The following KIAA1217 variants were observed in gnomAD, a reference collection of about 807,000 sequenced individuals.
KIAA1217 encodes the protein KIAA1217.
Under a neutral mutation model 163.9 loss-of-function variants are expected in KIAA1217, and 88 were observed. The observed-to-expected ratio is 0.54, with a 90% CI of 0.45 to 0.64. KIAA1217 has a LOEUF of 0.64. Ranked by LOEUF, KIAA1217 falls within the 30% of genes least tolerant of loss-of-function variation. KIAA1217 has a pLI of 0.00. For synonymous variants in KIAA1217, 903 were observed against 923.1 expected (o/e 0.98, Z 0.39); for missense variants, 2,372 against 2,475.0 (o/e 0.96, Z 0.88).
chr10:23,971,469 G>A (rs1845315419), intron 1 of KIAA1217, among the ~76,000 whole-genome samples: 1 of 152,116 alleles, frequency 6.6e-6, no homozygotes, highest in Non-Finnish European at 1.5e-5. Context: ...GGTTGGGGGG[G>A]AACCTCCTCT....
In KIAA1217 at chr10:23,789,941, A is replaced by ATG. The variant is rs1564420929; in HGVS notation, c.-321+94707_-321+94708insTG. Among the ~76,000 whole-genome samples the ATG allele has an allele frequency of 8.5e-5, 11 of 130,104 alleles. 1 individual carries two copies. Among genetic ancestry groups the ATG allele is most frequent in the Admixed American group, 6.8e-4 (9 of 13,168 alleles). 85.4% of individuals were successfully genotyped at this position (130,104 alleles called of 152,430 possible). ...CATATACATGTATATATACACATAT[A>ATG]CATATACATGTATATATACACATAT... On this transcript the variant is annotated intron_variant, in intron 1 of 18. Transcript: ENST00000376462.
Position 24,029,368 on chromosome 10 carries a change from A to G in KIAA1217, c.-171+21994A>G, listed in dbSNP as rs143519844. Among the ~76,000 whole-genome samples the G allele has an allele frequency of 2.8e-3, 424 of 152,276 alleles. 1 individual carries two copies. The highest frequency in any genetic ancestry group is 9.7e-3 in the African/African-American group (402 of 41,556). ...TGCAGACATATGAGAGGTATAGACT[A>G]TTCTCACACATCATGCCGTAAATTC... On this transcript the variant is annotated intron_variant, in intron 2 of 18. Coordinates refer to the KIAA1217 transcript ENST00000376462.
intron 2 of KIAA1217, among the ~76,000 whole-genome samples, chr10:24,267,267 A>G (rs1047852160): frequency 6.6e-6 from 1 of 152,230 alleles, no homozygotes; most frequent in Non-Finnish European, 1.5e-5. Flanking sequence ...GAAGACTTAT[A>G]AAGACCACTT....
chr10:23,798,031 G>T (rs556520698), intron 1 of KIAA1217, among the ~76,000 whole-genome samples: 1 of 152,240 alleles, frequency 6.6e-6, no homozygotes, highest in African/African-American at 2.4e-5. Context: ...CAAGTTCAAT[G>T]GGGTGCTCAA....
intron 3 of KIAA1217, among the ~76,000 whole-genome samples, chr10:24,408,846 G>T (rs1816261512): frequency 6.6e-6 from 1 of 152,084 alleles, no homozygotes. Flanking sequence ...CCCTATAGAG[G>T]ACTAATAGCC....
At chr10:24,006,092 A>G (rs1003545256) in intron 1 of KIAA1217, among the ~76,000 whole-genome samples, 11 of 152,216 alleles carry the variant, frequency 7.2e-5, no homozygotes, top group African/African-American at 2.4e-4. Context: ...TTGAAAATAA[A>G]ACTTTAAGTA....
intron 2 of KIAA1217, among the ~76,000 whole-genome samples, chr10:24,071,009 A>G (rs1589388220): frequency 6.6e-6 from 1 of 152,166 alleles, no homozygotes; most frequent in Non-Finnish European, 1.5e-5. Flanking sequence ...ACAAAAGTAG[A>G]TAGTATATCT....
intron 1 of KIAA1217, among the ~76,000 whole-genome samples, chr10:23,917,918 A>T (rs931118978): frequency 6.6e-6 from 1 of 152,190 alleles, no homozygotes; most frequent in African/African-American, 2.4e-5. Flanking sequence ...GTATGTTCGT[A>T]TAGAGAGATG....
chr10:23,898,109 C>T (rs569450456), intron 1 of KIAA1217, among the ~76,000 whole-genome samples: 27 of 151,974 alleles, frequency 1.8e-4, no homozygotes, highest in African/African-American at 6.3e-4. Flanking sequence ...AAAACAGTGG[C>T]TACTCATATT....
At chr10:24,318,291 C>T (rs575218326) in intron 2 of KIAA1217, among the ~76,000 whole-genome samples, 1 of 152,218 alleles carries the variant, frequency 6.6e-6, no homozygotes, top group South Asian at 2.1e-4. Context: ...GACAGATAGA[C>T]AGACAGACAG....
chr10:24,530,279 C>A (rs1458316056), intron 14 of KIAA1217, among the ~76,000 whole-genome samples: 1 of 152,062 alleles, frequency 6.6e-6, no homozygotes, highest in Non-Finnish European at 1.5e-5. Context: ...TTTAAATTTG[C>A]CTAAATCACT....
At chr10:24,203,828 C>A (rs1320073398), upstream of KIAA1217, among the ~76,000 whole-genome samples, 1 of 152,108 alleles carries the variant, frequency 6.6e-6, no homozygotes, top group Non-Finnish European at 1.5e-5. Context: ...TGAGCAGATA[C>A]ATGTTACACT....
intron 4 of KIAA1217, among the ~76,000 whole-genome samples, chr10:24,435,241 G>A (rs1176205339): frequency 1.3e-5 from 2 of 152,162 alleles, no homozygotes; most frequent in Admixed American, 6.5e-5. Context: ...TTTTAAAAAT[G>A]TGTTTAAATA....
intron 1 of KIAA1217, among the ~76,000 whole-genome samples, chr10:23,699,056 C>G (rs1313142770): frequency 6.6e-6 from 1 of 152,088 alleles, no homozygotes; most frequent in Non-Finnish European, 1.5e-5. Context: ...TGTCTTTTCT[C>G]TCATTCTCTC....
intron 2 of KIAA1217, among the ~76,000 whole-genome samples, chr10:24,012,401 G>T (rs1042943788): frequency 6.6e-6 from 1 of 152,100 alleles, no homozygotes; most frequent in African/African-American, 2.4e-5. Flanking sequence ...ACAGCCTGGG[G>T]CTTCCTTGAT....
chr10:24,152,929 A>G (rs944945579), intron 2 of KIAA1217, among the ~76,000 whole-genome samples: 2 of 152,174 alleles, frequency 1.3e-5, no homozygotes, highest in African/African-American at 4.8e-5. Flanking sequence ...AACAAAATCC[A>G]CTCATTCTGA....
chr10:23,696,511 C>T (rs942666539), intron 1 of KIAA1217, among the ~76,000 whole-genome samples: 5 of 152,200 alleles, frequency 3.3e-5, no homozygotes, highest in East Asian at 3.9e-4. Context: ...TGTAATGCAT[C>T]CTGGTCACCC....
intron 2 of KIAA1217, among the ~76,000 whole-genome samples, chr10:24,134,167 C>A (rs1335572844): frequency 2.0e-5 from 3 of 152,136 alleles, no homozygotes; most frequent in African/African-American, 7.2e-5. Context: ...AAGGTGTATG[C>A]ACCAGACCTT....
chr10:23,792,586 G>A (rs1588831089), intron 1 of KIAA1217, among the ~76,000 whole-genome samples: 3 of 151,678 alleles, frequency 2.0e-5, no homozygotes, highest in East Asian at 3.9e-4. Context: ...TCCGCCTCCC[G>A]GGTTCATGCC....
Sources: allele counts gnomAD v4.1 joint callset (sites outside exome capture counted in the v4.1 genomes callset), GRCh38; gene constraint gnomAD v4.1.1; transcripts MANE v1.5; gene names NCBI Gene and HGNC (gene_info 2026-07-23, HGNC 2026-07-21).